The following REXO1 variants were observed in gnomAD, a reference collection of about 807,000 sequenced individuals.
The protein encoded by REXO1 is RNA exonuclease 1 homolog.
Under a neutral mutation model 102.6 loss-of-function variants are expected in REXO1, and 42 were observed. The observed-to-expected ratio is 0.41, with a 90% confidence interval of 0.32 to 0.53. REXO1 has a LOEUF of 0.53. REXO1 is among the 20% of genes least tolerant of loss of function. REXO1 has a pLI of 0.27. For synonymous variants in REXO1, 908 were observed against 779.1 expected (o/e 1.17, Z -2.76); for missense variants, 1,819 against 1,732.5 (o/e 1.05, Z -0.89).
Position 1,823,725 on chromosome 19 carries a change from C to A in REXO1, c.2077G>T (p.Val693Leu). 11 of 1,268,836 alleles carry A rather than the reference C, an allele frequency of 8.7e-6. No individual in the cohort carries two copies. The highest frequency in any genetic ancestry group is 1.1e-5 in the Non-Finnish European group (11 of 1,000,276). The allele number at this position is 1,268,836 out of a possible 1,614,324, so 78.6% of individuals were successfully genotyped here. A position where few individuals can be genotyped will look rare whatever the true frequency, so the allele number is the denominator to read the frequency against. The change falls in exon 4 of 16, where the codon GTG becomes TTG. Residue 693 changes from valine (V) to leucine (L), a missense_variant. By Grantham distance (32) the Val-to-Leu change is conservative. Coordinates refer to ENST00000170168, the MANE Select transcript of REXO1 (RefSeq NM_020695.4). Reference sequence around the variant, plus strand: ...GCCTGCTGGGCCCGCAGGTAGCACACCTCCTGCGCCGTCGGGGGCCGGGCC... The same window carrying A: ...GCCTGCTGGGCCCGCAGGTAGCACAACTCCTGCGCCGTCGGGGGCCGGGCC... ...PPARPPTAQE[V>L]CYLRAQQAQR...
chr19:1,827,238 G>A lies in REXO1; in HGVS notation c.1551C>T (p.Ser517=). The stretch of plus-strand genomic sequence containing the variant: ...TCTCGTCCCCAAAGAGGTCGGCGTG[G>A]CTCAGGGCCCGCTTCTTCAGCTTGG... ...DAPKLKKRAL[S]HADLFGDESE... Residue 517 remains serine, a synonymous_variant, in exon 2 of 16, where the codon AGC becomes AGT. Coordinates refer to ENST00000170168, the MANE Select transcript of REXO1 (RefSeq NM_020695.4). 1 of 1,551,094 alleles carries A rather than the reference G, an allele frequency of 6.4e-7. No homozygotes were observed. The highest frequency in any genetic ancestry group is 8.7e-7 in the Non-Finnish European group (1 of 1,153,838).
At chr19:1,834,972 C>A in intron 1 of REXO1, 1 of 439,092 alleles carries the variant, frequency 2.3e-6, no homozygotes, top group Non-Finnish European at 4.6e-6. Flanking sequence ...TGGAAGGCAG[C>A]ATCCTGGCCT....
intron 1 of REXO1, 91 bp downstream of exon 1, chr19:1,848,111 G>C: frequency 1.6e-6 from 1 of 624,124 alleles, no homozygotes; most frequent in Non-Finnish European, 2.3e-6. Flanking sequence ...AGGAGGCTGG[G>C]CCGAGAACGG....
intron 14 of REXO1, 42 bp from the exon 15 acceptor site, chr19:1,816,387 A>G (rs1378157701): frequency 1.3e-6 from 2 of 1,599,710 alleles, no homozygotes; most frequent in African/African-American, 2.7e-5. Context: ...GGGCCTGCGC[A>G]GGTCCTGCTG....
Position 1,818,537 on chromosome 19 carries a change from G to A in REXO1, c.2961C>T (p.Arg987=), listed in dbSNP as rs781442381. The A allele has an allele frequency of 1.2e-6, 2 of 1,612,098 alleles. No homozygotes were observed. The highest frequency in any genetic ancestry group is 2.2e-5 in the East Asian group (1 of 44,860). The change falls in exon 10 of 16, where the codon CGC becomes CGT. Residue 987 remains arginine (R), a synonymous_variant. Coordinates refer to ENST00000170168, the MANE Select transcript of REXO1 (RefSeq NM_020695.4). ...AATAACACTCCTCGTCCCGGATGCA[G>A]CGGCCTGAAGAGGACACGAGGTACT... ...GTEYLVSSSG[R]CIRDEECYYH...
chr19:1,822,153 G>A (rs976833865), intron 4 of REXO1: 10 of 361,448 alleles, frequency 2.8e-5, no homozygotes, highest in South Asian at 9.4e-5. Context: ...GGCTGGCCAC[G>A]CGGGCAGCTG....
chr19:1,838,538 G>C (rs373815546), intron 1 of REXO1, among the ~76,000 whole-genome samples: 1 of 151,810 alleles, frequency 6.6e-6, no homozygotes. Context: ...AGTAGCTCAC[G>C]CCTGTAATCC....
intron 5 of REXO1, 44 bp downstream of exon 5, chr19:1,821,475 G>T: frequency 6.2e-7 from 1 of 1,610,438 alleles, no homozygotes; most frequent in Non-Finnish European, 8.5e-7. Flanking sequence ...GCCTCAGGGC[G>T]TGGTCTTGGG....
chr19:1,842,802 C>G (rs2011348699), intron 1 of REXO1, among the ~76,000 whole-genome samples: 1 of 152,264 alleles, frequency 6.6e-6, no homozygotes, highest in Non-Finnish European at 1.5e-5. Context: ...TCTGGCTCTT[C>G]CGTATTCTCT....
Position 1,827,309 on chromosome 19 carries a change from C to G in REXO1, c.1480G>C (p.Glu494Gln). Residue 494 changes from glutamate (E) to glutamine (Q), a missense_variant, in exon 2 of 16, where the codon GAG becomes CAG. Transcript: ENST00000170168. ...TCGTCTAGTGAGCGGGCTTTCCGCT[C>G]CACTAGCTTCCCCGACGGGGCCTTG... ...STKAPSGKLV[E>Q]RKARSLDEGA... The G allele has an allele frequency of 6.4e-7, 1 of 1,561,314 alleles. No homozygotes were observed. Among genetic ancestry groups the G allele is most frequent in the Non-Finnish European group, 8.6e-7 (1 of 1,158,460 alleles).
chr19:1,833,259 AGGAAGGATCCGTGTGTCTGTTTT>A (rs1387574243), intron 1 of REXO1, among the ~76,000 whole-genome samples: 11 of 152,192 alleles, frequency 7.2e-5, no homozygotes, highest in Non-Finnish European at 1.6e-4. Context: ...TTTAGACAAG[AGGAAGGATCCGTGTGTCTGTTTT>A]GGACCACTCG....
Position 1,826,917 on chromosome 19 carries a change from G to T in REXO1, c.1872C>A (p.Thr624=). The T allele has an allele frequency of 6.3e-7, 1 of 1,584,092 alleles. No individual in the cohort carries two copies. The highest frequency in any genetic ancestry group is 8.6e-7 in the Non-Finnish European group (1 of 1,166,058). The change falls in exon 2 of 16, where the codon ACC becomes ACA. Residue 624 remains threonine, a synonymous_variant. Transcript: ENST00000170168. This position sits in a 1 kb window ranked among gnomAD's most constrained non-coding sequence, Gnocchi z 4.3. ...EECLRIFNES[T]SVKTEDRGRL... The stretch of plus-strand genomic sequence containing the variant: ...GGCCTCTGTCCTCCGTCTTGACGCT[G>T]GTGGACTCGTTGAAGATCCGCAGGC...
intron 1 of REXO1, chr19:1,834,980 C>T (rs2070000195): frequency 2.3e-6 from 1 of 435,508 alleles, no homozygotes; most frequent in South Asian, 1.6e-5. Context: ...AGCATCCTGG[C>T]CTGGGCGCTC....
At chr19:1,816,641 G>GGGGGGGGGGGGGGC in intron 13 of REXO1, 57 bp downstream of exon 13, 1 of 1,021,770 alleles carries the variant, frequency 9.8e-7, no homozygotes, top group Non-Finnish European at 1.5e-6. Context: ...GGGAGGGTGG[G>GGGGGGGGGGGGGGC]TCCCTGGGGA....
Position 1,827,061 on chromosome 19 carries a change from G to T in REXO1, c.1728C>A (p.Pro576=). 1.0e-6 allele frequency: 1 copy of T among 992,238 alleles called. No homozygotes were observed. Among genetic ancestry groups the T allele is most frequent in the Non-Finnish European group, 1.6e-6 (1 of 643,124 alleles). The allele number at this position is 992,238 out of a possible 1,614,324, so 61.5% of individuals were successfully genotyped here. A position where few individuals can be genotyped will look rare whatever the true frequency, so the allele number is the denominator to read the frequency against. The part of the protein sequence containing the change: ...PPKRLKASPP[P]SPAPSSSSSS... ...AGGAGGAGGAGGATGGGGCGGGGGA[G>T]GGGGGCGGGGAGGCCTTGAGCCGCT... Residue 576 remains proline, a synonymous_variant, in exon 2 of 16, where the codon CCC becomes CCA. Coordinates refer to ENST00000170168, the MANE Select transcript of REXO1 (RefSeq NM_020695.4).
intron 12 of REXO1, 24 bp from the exon 13 acceptor site, chr19:1,816,837 G>A (rs755917135): frequency 1.9e-5 from 30 of 1,566,340 alleles, no homozygotes; most frequent in Admixed American, 3.3e-5. Context: ...ATGCACCTCA[G>A]ATGTGTCCCA....
At chr19:1,821,120 G>A (rs1034055015) in intron 5 of REXO1, among the ~76,000 whole-genome samples, 1 of 152,136 alleles carries the variant, frequency 6.6e-6, no homozygotes, top group Non-Finnish European at 1.5e-5. Context: ...GGCCGAGGCG[G>A]GTGGATCACG....
At chr19:1,820,190 CG>C (rs2069490015) in intron 6 of REXO1, 73 bp downstream of exon 6, 2 of 1,563,634 alleles carry the variant, frequency 1.3e-6, no homozygotes, top group Non-Finnish European at 1.7e-6. Context: ...GCTGAGAGGC[CG>C]GGGGATGTCT....
chr19:1,848,205 C>A lies in REXO1; in HGVS notation c.154G>T (p.Ala52Ser). The A allele has an allele frequency of 8.2e-7, 1 of 1,222,280 alleles. No homozygotes were observed. Among genetic ancestry groups the A allele is most frequent in the Non-Finnish European group, 1.0e-6 (1 of 978,656 alleles). 75.7% of individuals were successfully genotyped at this position (1,222,280 alleles called of 1,614,324 possible). ...CAAGCAGGCGGGCGGGCATTACCTGCTGCGGGGGGCGCCTCTCCGCCGTCA... is the reference window on the plus strand; with the variant it reads ...CAAGCAGGCGGGCGGGCATTACCTGATGCGGGGGGCGCCTCTCCGCCGTCA... Reference protein sequence around the residue: ...PGDGGEAPPAAGLGYDPYNPE... With the variant: ...PGDGGEAPPASGLGYDPYNPE... Residue 52 changes from alanine (A) to serine (S), a missense_variant, in exon 1 of 16, where the codon GCA (alanine) becomes TCA (serine). Ala to Ser is a moderately conservative substitution (Grantham distance 99). Coordinates refer to ENST00000170168, the MANE Select transcript of REXO1 (RefSeq NM_020695.4).
Sources: allele counts gnomAD v4.1 joint callset (sites outside exome capture counted in the v4.1 genomes callset), GRCh38; gene constraint gnomAD v4.1.1; non-coding constraint Gnocchi (gnomAD v3.1); transcripts MANE v1.5; gene names NCBI Gene and HGNC (gene_info 2026-07-23, HGNC 2026-07-21).